EXOC6B: variants seen among roughly 807,000 people sequenced by gnomAD.
The protein encoded by EXOC6B is exocyst complex component 6B, also known as SEC15 homolog B.
In EXOC6B, 54 loss-of-function variants were observed where a neutral mutation model predicts 113.5. That is an observed-to-expected ratio of 0.48 (90% CI 0.38 to 0.60). The LOEUF (loss-of-function observed/expected upper bound fraction) is 0.60. Ranked by LOEUF, EXOC6B falls within the 20% of genes least tolerant of loss-of-function variation. The pLI is 0.00. For missense variants in EXOC6B, 797 were observed against 977.5 expected (o/e 0.82, Z 2.46); for synonymous variants, 357 against 339.0 (o/e 1.05, Z -0.58).
At chr2:72,514,976 C>T in intron 9 of EXOC6B, 67 bp downstream of exon 9, 1 of 1,347,262 alleles carries the variant, frequency 7.4e-7, no homozygotes, top group Non-Finnish European at 1.0e-6. Context: ...CACACACACA[C>T]ACACGCATCA....
At chr2:72,531,411 C>T (rs1250914318) in intron 8 of EXOC6B, among the ~76,000 whole-genome samples, 2 of 152,144 alleles carry the variant, frequency 1.3e-5, no homozygotes, top group African/African-American at 2.4e-5. Flanking sequence ...TACATACTGT[C>T]AGCACCAAAT....
chr2:72,636,100 G>C (rs529029404), intron 6 of EXOC6B, among the ~76,000 whole-genome samples: 2 of 152,076 alleles, frequency 1.3e-5, no homozygotes, highest in Non-Finnish European at 2.9e-5. Context: ...TCATGCATCT[G>C]CAGTTCCAGC....
intron 20 of EXOC6B, among the ~76,000 whole-genome samples, chr2:72,330,382 A>C (rs994245765): frequency 2.0e-5 from 3 of 152,042 alleles, no homozygotes; most frequent in Non-Finnish European, 2.9e-5. Context: ...ACAAACAACA[A>C]AAAATAATAT....
chr2:72,647,605 G>C (rs1225480401), intron 6 of EXOC6B, among the ~76,000 whole-genome samples: 1 of 152,144 alleles, frequency 6.6e-6, no homozygotes, highest in Admixed American at 6.5e-5. Flanking sequence ...GAACAGAACA[G>C]AGGCCTCAGA....
At chr2:72,555,457 G>A (rs1381507523) in intron 8 of EXOC6B, among the ~76,000 whole-genome samples, 2 of 152,166 alleles carry the variant, frequency 1.3e-5, no homozygotes, top group Non-Finnish European at 2.9e-5. Context: ...TCTAACTGGT[G>A]TGAGATGGTA....
intron 18 of EXOC6B, among the ~76,000 whole-genome samples, chr2:72,383,612 CAG>C (rs1268302639): frequency 6.6e-6 from 1 of 152,020 alleles, no homozygotes; most frequent in Non-Finnish European, 1.5e-5. Context: ...GAACTAAAAA[CAG>C]AGTACCCATC....
At chr2:72,423,886 C>T (rs1695053459) in intron 18 of EXOC6B, among the ~76,000 whole-genome samples, 1 of 152,106 alleles carries the variant, frequency 6.6e-6, no homozygotes, top group Non-Finnish European at 1.5e-5. Flanking sequence ...ATTTTTATTT[C>T]TTCATTACAC....
chr2:72,387,160 C>G (rs1692080488), intron 18 of EXOC6B, among the ~76,000 whole-genome samples: 1 of 152,176 alleles, frequency 6.6e-6, no homozygotes, highest in African/African-American at 2.4e-5. Context: ...CTCACACACA[C>G]AGTTATATAA....
intron 6 of EXOC6B, among the ~76,000 whole-genome samples, chr2:72,648,028 C>T (rs1177991633): frequency 6.6e-6 from 1 of 152,124 alleles, no homozygotes; most frequent in Non-Finnish European, 1.5e-5. Flanking sequence ...GCAATCTATC[C>T]ATCTGACAAA....
intron 6 of EXOC6B, among the ~76,000 whole-genome samples, chr2:72,709,868 G>A (rs1192597587): frequency 6.6e-6 from 1 of 151,606 alleles, no homozygotes; most frequent in Non-Finnish European, 1.5e-5. Flanking sequence ...TGAAAATATA[G>A]CTTTAAAAAA....
At chr2:72,659,979 T>C (rs1674887259) in intron 6 of EXOC6B, among the ~76,000 whole-genome samples, 2 of 152,128 alleles carry the variant, frequency 1.3e-5, no homozygotes, top group African/African-American at 4.8e-5. Context: ...GCAAAAGGTC[T>C]ATCCCATGGA....
intron 8 of EXOC6B, among the ~76,000 whole-genome samples, chr2:72,555,189 T>C (rs1703467765): frequency 6.6e-6 from 1 of 152,250 alleles, no homozygotes; most frequent in South Asian, 2.1e-4. Context: ...AAGTTTTTGC[T>C]ATTGTGAACA....
At chr2:72,706,752 C>A (rs75183549) in intron 6 of EXOC6B, among the ~76,000 whole-genome samples, 5,671 of 152,164 alleles carry the variant, frequency 0.037, 332 homozygotes, top group African/African-American at 0.13. Context: ...AAAACAGCCA[C>A]AAAATTCTTT....
At chr2:72,633,392 T>C (rs1215113188) in intron 6 of EXOC6B, among the ~76,000 whole-genome samples, 1 of 152,184 alleles carries the variant, frequency 6.6e-6, no homozygotes, top group African/African-American at 2.4e-5. Context: ...GGCAGGATCA[T>C]ACAATGTATG....
chr2:72,675,153 A>G (rs1255208136), intron 6 of EXOC6B, among the ~76,000 whole-genome samples: 1 of 152,250 alleles, frequency 6.6e-6, no homozygotes, highest in African/African-American at 2.4e-5. Flanking sequence ...GAGGAGGCTG[A>G]TAAATGCTAT....
intron 20 of EXOC6B, among the ~76,000 whole-genome samples, chr2:72,229,978 C>T (rs1681503177): frequency 6.6e-6 from 1 of 151,952 alleles, no homozygotes; most frequent in Non-Finnish European, 1.5e-5. Flanking sequence ...ACAATGTTAC[C>T]TAGTTAGAAA....
intron 20 of EXOC6B, among the ~76,000 whole-genome samples, chr2:72,286,991 A>G (rs1685473227): frequency 6.6e-6 from 1 of 152,200 alleles, no homozygotes; most frequent in Non-Finnish European, 1.5e-5. Context: ...GTGTCTCAGG[A>G]AAATGTATTG....
intron 1 of EXOC6B, among the ~76,000 whole-genome samples, chr2:72,755,551 T>C (rs1391050524): frequency 6.6e-6 from 1 of 152,126 alleles, no homozygotes; most frequent in Non-Finnish European, 1.5e-5. Flanking sequence ...AATAAATATT[T>C]TTACCAAAAA....
intron 7 of EXOC6B, among the ~76,000 whole-genome samples, chr2:72,565,979 C>T (rs938328119): frequency 1.3e-5 from 2 of 151,454 alleles, no homozygotes; most frequent in African/African-American, 4.8e-5. Flanking sequence ...TAGCTCCAAC[C>T]ACACGGAAAA....
Sources: allele counts gnomAD v4.1 joint callset (sites outside exome capture counted in the v4.1 genomes callset), GRCh38; gene constraint gnomAD v4.1.1; transcripts MANE v1.5; gene names NCBI Gene and HGNC (gene_info 2026-07-23, HGNC 2026-07-21).